EPHA5: variants seen among roughly 807,000 people sequenced by gnomAD.
EPHA5 encodes EPH receptor A5.
EPHA5 carries 60 observed loss-of-function variants against 105.0 expected under a neutral mutation model. The ratio of observed to expected loss-of-function variants is 0.57; its 90% CI spans 0.46 to 0.71. The LOEUF is 0.71. Among genes scored for constraint, EPHA5 ranks in the 30% least tolerant of loss-of-function variants. EPHA5 has a pLI of 0.00. For synonymous variants in EPHA5, 513 were observed against 449.1 expected (o/e 1.14, Z -1.80); for missense variants, 1,218 against 1,274.7 (o/e 0.96, Z 0.68).
At chr4:65,354,368 A>T (rs1419433595) in intron 11 of EPHA5, among the ~76,000 whole-genome samples, 2 of 151,772 alleles carry the variant, frequency 1.3e-5, no homozygotes, top group African/African-American at 4.8e-5. Flanking sequence ...ATAAAAAATT[A>T]TTGCTATATG....
At chr4:65,625,859 C>T (rs945850605) in intron 2 of EPHA5, among the ~76,000 whole-genome samples, 4 of 152,116 alleles carry the variant, frequency 2.6e-5, no homozygotes, top group African/African-American at 9.7e-5. Context: ...CGCTTGTAAT[C>T]CCAGCACTTT....
chr4:65,641,939 T>C (rs1001826566), intron 2 of EPHA5, among the ~76,000 whole-genome samples: 1 of 152,116 alleles, frequency 6.6e-6, no homozygotes, highest in African/African-American at 2.4e-5. Flanking sequence ...AATTGTTTCA[T>C]ATAGAAATCA....
intron 5 of EPHA5, among the ~76,000 whole-genome samples, chr4:65,451,422 C>T (rs535905927): frequency 2.7e-4 from 41 of 152,028 alleles, no homozygotes; most frequent in Non-Finnish European, 3.8e-4. Context: ...AGTCCTTTTT[C>T]CTAGCCATTG....
At chr4:65,630,969 T>A (rs1285500778) in intron 2 of EPHA5, among the ~76,000 whole-genome samples, 1 of 152,188 alleles carries the variant, frequency 6.6e-6, no homozygotes, top group Non-Finnish European at 1.5e-5. Context: ...AAATACTTCC[T>A]CTATATCCTG....
At chr4:65,628,414 A>T (rs952516967) in intron 2 of EPHA5, among the ~76,000 whole-genome samples, 2 of 152,116 alleles carry the variant, frequency 1.3e-5, no homozygotes, top group Non-Finnish European at 2.9e-5. Flanking sequence ...TCAATATCTG[A>T]TGACATGACA....
chr4:65,385,091 G>A (rs1357374681), intron 8 of EPHA5, among the ~76,000 whole-genome samples: 1 of 151,612 alleles, frequency 6.6e-6, no homozygotes, highest in African/African-American at 2.4e-5. Flanking sequence ...AGCAAATAAA[G>A]TTGCAAATAA....
chr4:65,548,363 A>G (rs1737585518), intron 3 of EPHA5, among the ~76,000 whole-genome samples: 1 of 150,886 alleles, frequency 6.6e-6, no homozygotes, highest in Non-Finnish European at 1.5e-5. Flanking sequence ...AGTAGGAGGA[A>G]AAAAATTCCA....
chr4:65,394,890 G>T (rs757906093), intron 8 of EPHA5, among the ~76,000 whole-genome samples: 1 of 152,056 alleles, frequency 6.6e-6, no homozygotes, highest in Non-Finnish European at 1.5e-5. Context: ...AGGCAAAGAA[G>T]CTTCTCTGCA....
At chr4:65,363,060 C>G (rs189341454) in intron 11 of EPHA5, among the ~76,000 whole-genome samples, 1 of 151,588 alleles carries the variant, frequency 6.6e-6, no homozygotes, top group African/African-American at 2.4e-5. Context: ...AATAAGGTTT[C>G]AGTGAAGTTG....
chr4:65,396,809 G>A (rs1260254282), intron 8 of EPHA5, among the ~76,000 whole-genome samples: 1 of 152,120 alleles, frequency 6.6e-6, no homozygotes, highest in Admixed American at 6.5e-5. Flanking sequence ...TATTCAAGCA[G>A]CCCCTGATAT....
Position 65,323,901 on chromosome 4 carries a change from A to C in EPHA5, c.*213T>G. On this transcript the variant is annotated 3_prime_UTR_variant, in exon 17 of 17. Transcript: ENST00000613740. ...TCTAACTTCATGTCCCTTTTAATGC[A>C]AGATATGTTTGCTTCATGAAAAATG... is the stretch of plus-strand genomic sequence containing the variant. 2.4e-6 allele frequency: 1 copy of C among 410,574 alleles called. No individual in the cohort carries two copies. Among genetic ancestry groups the C allele is most frequent in the Non-Finnish European group, 4.4e-6 (1 of 226,560 alleles). The allele number at this position is 410,574 out of a possible 1,614,324, so 25.4% of individuals were successfully genotyped here.
At chr4:65,532,568 C>G (rs1208928290) in intron 3 of EPHA5, among the ~76,000 whole-genome samples, 1 of 143,248 alleles carries the variant, frequency 7.0e-6, no homozygotes, top group Non-Finnish European at 1.5e-5. Context: ...TGGGTCCTGT[C>G]TTATTCTTTT....
At chr4:65,391,426 G>C (rs1055156255) in intron 8 of EPHA5, among the ~76,000 whole-genome samples, 2 of 152,084 alleles carry the variant, frequency 1.3e-5, no homozygotes, top group African/African-American at 4.8e-5. Flanking sequence ...ATAAAGCACA[G>C]ATCTTGAACA....
At chr4:65,358,806 C>G (rs1448284881) in intron 11 of EPHA5, among the ~76,000 whole-genome samples, 1 of 151,520 alleles carries the variant, frequency 6.6e-6, no homozygotes, top group Non-Finnish European at 1.5e-5. Context: ...GAGACAGGAG[C>G]ATGGAAATGC....
chr4:65,419,082 A>G (rs1723687803), intron 6 of EPHA5, among the ~76,000 whole-genome samples: 1 of 151,524 alleles, frequency 6.6e-6, no homozygotes, highest in Admixed American at 6.6e-5. Context: ...ACAGGGTTTC[A>G]CTACGTTGGG....
rs756959874 is a variant in EPHA5, at chr4:65,335,924, C to T, written c.2789+8G>A. Reference sequence around the variant, plus strand: ...ATTCTGGAAAATCACTCGGATCTGGCCTTGTACCTGCAGGATGCATTAACC... The same window carrying T: ...ATTCTGGAAAATCACTCGGATCTGGTCTTGTACCTGCAGGATGCATTAACC... On this transcript the variant is annotated splice_region_variant and intron_variant, in intron 15 of 16. Coordinates refer to ENST00000613740, the MANE Select transcript of EPHA5 (RefSeq NM_001281766.3). 12 of 1,599,624 alleles carry T rather than the reference C, an allele frequency of 7.5e-6. No homozygotes were observed. Among genetic ancestry groups the T allele is most frequent in the Middle Eastern group, 1.7e-4 (1 of 5,984 alleles).
In EPHA5 at chr4:65,351,515, C is replaced by G. The variant is rs1400014333; in HGVS notation, c.2319G>C (p.Met773Ile). 1.2e-6 allele frequency: 2 copies of G among 1,613,616 alleles called. No homozygotes were observed. Among genetic ancestry groups the G allele is most frequent in the Non-Finnish European group, 8.5e-7 (1 of 1,179,826 alleles). ...CAGCAAGATCTCTATGCACATAGCCCATGTCAGAAAGGTACTTCATTCCTG... is the reference window on the plus strand; with the variant it reads ...CAGCAAGATCTCTATGCACATAGCCGATGTCAGAAAGGTACTTCATTCCTG... ...ISAGMKYLSD[M>I]GYVHRDLAAR... Residue 773 changes from methionine (M) to isoleucine (I), a missense_variant, in exon 13 of 17, where the codon ATG becomes ATC. Around this residue, in one of 3 missense-constraint regions of EPHA5, gnomAD observed 971 missense variants for 1,013.5 expected, o/e 0.96. Coordinates refer to ENST00000613740, the MANE Select transcript of EPHA5 (RefSeq NM_001281766.3).
At position 65,324,200 on chromosome 4, in the gene EPHA5, C is replaced by T; in HGVS notation, c.2965G>A (p.Val989Met). 1 of 1,609,102 alleles carries T rather than the reference C, an allele frequency of 6.2e-7. No individual in the cohort carries two copies. The highest frequency in any genetic ancestry group is 8.5e-7 in the Non-Finnish European group (1 of 1,176,736). ...VTLEDLRRLG[V>M]TLVGHQKKIM... ...TTCTTCTGGTGACCGACAAGAGTCA[C>T]TCCAAGCCGTCTCAAATCCCTGCAT... Residue 989 changes from valine to methionine, a missense_variant, in exon 17 of 17, where the codon GTG becomes ATG. By Grantham distance (21) the Val-to-Met change is conservative. Transcript: ENST00000613740.
At chr4:65,481,153 T>C (rs1224180080) in intron 5 of EPHA5, among the ~76,000 whole-genome samples, 4 of 152,180 alleles carry the variant, frequency 2.6e-5, no homozygotes, top group Non-Finnish European at 1.5e-5. Flanking sequence ...TGTGTCTAAA[T>C]GCACTTCATA....
Sources: allele counts gnomAD v4.1 joint callset (sites outside exome capture counted in the v4.1 genomes callset), GRCh38; gene constraint gnomAD v4.1.1; regional missense constraint gnomAD v4.1.1; transcripts MANE v1.5; gene names NCBI Gene and HGNC (gene_info 2026-07-23, HGNC 2026-07-21).